The following TIMP3 variants were observed in gnomAD, a reference collection of about 807,000 sequenced individuals.
The protein encoded by TIMP3 is metalloproteinase inhibitor 3.
TIMP3 carries 11 observed loss-of-function variants against 30.0 expected under a neutral mutation model. That is an observed-to-expected ratio of 0.37 (90% CI 0.23 to 0.61). The LOEUF is 0.61. Ranked by LOEUF, TIMP3 falls within the 20% of genes least tolerant of loss-of-function variation. The pLI is 0.70. For missense variants in TIMP3, 181 were observed against 276.8 expected (o/e 0.65, Z 2.45); for synonymous variants, 112 against 111.3 (o/e 1.01, Z -0.04).
intron 1 of TIMP3, among the ~76,000 whole-genome samples, chr22:32,823,293 C>A (rs1224422935): frequency 6.6e-6 from 1 of 152,172 alleles, no homozygotes; most frequent in East Asian, 1.9e-4. Flanking sequence ...CGCTGGAAAT[C>A]CTCTCTCTCC....
At chr22:32,849,601 G>A in intron 2 of TIMP3, 67 bp downstream of exon 2, 2 of 1,432,396 alleles carry the variant, frequency 1.4e-6, no homozygotes, top group Admixed American at 3.7e-5. Context: ...TCCTGGCTAA[G>A]GGAGGCAAAG....
chr22:32,844,965 G>T (rs1239900349), intron 1 of TIMP3, among the ~76,000 whole-genome samples: 2 of 152,190 alleles, frequency 1.3e-5, no homozygotes, highest in African/African-American at 4.8e-5. Flanking sequence ...CTGAGCTCAA[G>T]TGATCCTCCT....
intron 1 of TIMP3, among the ~76,000 whole-genome samples, chr22:32,824,990 G>A (rs1264864455): frequency 2.0e-5 from 3 of 152,150 alleles, no homozygotes; most frequent in South Asian, 2.1e-4. Flanking sequence ...TCCTGGCCCC[G>A]CCTGTCTTGG....
At chr22:32,823,823 C>T (rs1404632945) in intron 1 of TIMP3, among the ~76,000 whole-genome samples, 1 of 152,092 alleles carries the variant, frequency 6.6e-6, no homozygotes, top group Non-Finnish European at 1.5e-5. Flanking sequence ...CACTCTGCCT[C>T]CAGAGCCCCA....
At chr22:32,853,433 C>T (rs2048278952) in intron 2 of TIMP3, among the ~76,000 whole-genome samples, 1 of 152,198 alleles carries the variant, frequency 6.6e-6, no homozygotes, top group African/African-American at 2.4e-5. Context: ...ATTGAGGCAA[C>T]TCATGCTGTC....
At chr22:32,833,520 G>C (rs73158335) in intron 1 of TIMP3, among the ~76,000 whole-genome samples, 1 of 152,176 alleles carries the variant, frequency 6.6e-6, no homozygotes, top group African/African-American at 2.4e-5. Flanking sequence ...GACTGTAGAA[G>C]AAATTCAAAG....
At chr22:32,857,940 C>A in intron 3 of TIMP3, 77 bp from the exon 4 acceptor site, 1 of 1,609,392 alleles carries the variant, frequency 6.2e-7, no homozygotes, top group Non-Finnish European at 8.5e-7. Context: ...TAAGTGGGAA[C>A]ATAGTAGGTG....
chr22:32,844,303 A>G (rs135029), intron 1 of TIMP3, among the ~76,000 whole-genome samples: 105,465 of 152,096 alleles, frequency 0.69, 36,703 homozygotes, highest in East Asian at 0.86. Context: ...TTCTGGAGAC[A>G]CACCAGTAAG....
At chr22:32,831,397 T>C (rs1024529054) in intron 1 of TIMP3, among the ~76,000 whole-genome samples, 1 of 152,128 alleles carries the variant, frequency 6.6e-6, no homozygotes, top group African/African-American at 2.4e-5. Context: ...CTGAAGAGTC[T>C]ACTTGTCTGT....
At chr22:32,835,400 G>A (rs8142143) in intron 1 of TIMP3, among the ~76,000 whole-genome samples, 14,585 of 152,114 alleles carry the variant, frequency 0.096, 766 homozygotes, top group African/African-American at 0.15. Flanking sequence ...ATGAATCTAC[G>A]AACATATAGT....
rs130292 is a variant in TIMP3, at chr22:32,825,657, CAAAAAAAAAAAAAAAAAAAAAA to C, written c.121+23554_121+23575del. On this transcript the variant is annotated intron_variant, in intron 1 of 4. Transcript: ENST00000266085. Reference sequence around the variant, plus strand: ...TGGGCGACAGAGCGAGTTTCCATCTCAAAAAAAAAAAAAAAAAAAAAAAAAAAAAAAAAAAAAAAAGATGTGT... The same window carrying C: ...TGGGCGACAGAGCGAGTTTCCATCTCAAAAAAAAAAAAAAAAAAGATGTGT... 6.1e-3 allele frequency among the ~76,000 whole-genome samples: 174 copies of C among 28,594 alleles called. 5 individuals carry two copies. In the East Asian group the frequency reaches 0.075, roughly 12 times the overall value. The allele number at this position is 28,594 out of a possible 152,430, so 18.8% of individuals were successfully genotyped here.
chr22:32,824,358 ATTT>A (rs130289), intron 1 of TIMP3, among the ~76,000 whole-genome samples: 1 of 148,916 alleles, frequency 6.7e-6, no homozygotes, highest in African/African-American at 2.5e-5. Flanking sequence ...ACAGATTACT[ATTT>A]TTTTTTTGTT....
intron 1 of TIMP3, among the ~76,000 whole-genome samples, chr22:32,824,607 G>A (rs1176022508): frequency 1.3e-5 from 2 of 152,192 alleles, no homozygotes; most frequent in African/African-American, 4.8e-5. Context: ...TTGAACTCAG[G>A]CTGGTTAGAG....
intron 1 of TIMP3, among the ~76,000 whole-genome samples, chr22:32,845,977 C>A (rs1420663014): frequency 6.6e-6 from 1 of 152,188 alleles, no homozygotes; most frequent in African/African-American, 2.4e-5. Context: ...AATGCACAAA[C>A]CAAATAGGTG....
intron 2 of TIMP3, among the ~76,000 whole-genome samples, chr22:32,854,317 C>A (rs1377115211): frequency 6.6e-6 from 1 of 152,156 alleles, no homozygotes; most frequent in African/African-American, 2.4e-5. Flanking sequence ...TTCCTTCAAA[C>A]TTCCAAGTAG....
chr22:32,842,885 G>T (rs2047953736), intron 1 of TIMP3, among the ~76,000 whole-genome samples: 2 of 152,200 alleles, frequency 1.3e-5, no homozygotes, highest in African/African-American at 2.4e-5. Context: ...GATTGGGAAG[G>T]GTGGTGGGTG....
At chr22:32,858,514 C>G (rs558310211) in intron 4 of TIMP3, among the ~76,000 whole-genome samples, 1 of 152,090 alleles carries the variant, frequency 6.6e-6, no homozygotes, top group Non-Finnish European at 1.5e-5. Flanking sequence ...GCTGACTCAT[C>G]GCTAACCCCA....
chr22:32,845,196 G>A (rs190836013), intron 1 of TIMP3, among the ~76,000 whole-genome samples: 94 of 152,082 alleles, frequency 6.2e-4, no homozygotes, highest in Middle Eastern at 6.8e-3. Context: ...TAGTCCTCTA[G>A]CCATAAACTT....
chr22:32,831,099 A>G (rs917175800), intron 1 of TIMP3, among the ~76,000 whole-genome samples: 2 of 152,190 alleles, frequency 1.3e-5, no homozygotes, highest in African/African-American at 2.4e-5. Context: ...GGCTAGGTTC[A>G]GGTTGGGCTG....
Sources: allele counts gnomAD v4.1 joint callset (sites outside exome capture counted in the v4.1 genomes callset), GRCh38; gene constraint gnomAD v4.1.1; transcripts MANE v1.5; gene names NCBI Gene and HGNC (gene_info 2026-07-23, HGNC 2026-07-21).